The following ZNF695 variants were observed in gnomAD, a reference collection of about 807,000 sequenced individuals.
ZNF695 encodes zinc finger protein 695.
In ZNF695, 11 loss-of-function variants were observed where a neutral mutation model predicts 11.2. The observed-to-expected ratio is 0.98, with a 90% CI of 0.62 to 1.62. The LOEUF (loss-of-function observed/expected upper bound fraction) is 1.62. ZNF695 is among the 40% of genes most tolerant of loss of function. The probability of loss-of-function intolerance (pLI) is 0.00; values close to 1 mark genes in which losing one functional copy is unlikely to be tolerated. For synonymous variants in ZNF695, 190 were observed against 201.4 expected (o/e 0.94, Z 0.48); for missense variants, 559 against 590.5 (o/e 0.95, Z 0.55).
chr1:246,967,750 T>G (rs1668324979), exon 5 of ZNF695: 1 of 399,584 alleles, frequency 2.5e-6, no homozygotes, highest in Non-Finnish European at 4.9e-6. Context: ...AAACTTAGAA[T>G]CATGGCAGAA....
At chr1:246,973,081 C>T (rs1668470694) in intron 4 of ZNF695, among the ~76,000 whole-genome samples, 1 of 151,490 alleles carries the variant, frequency 6.6e-6, no homozygotes, top group Non-Finnish European at 1.5e-5. Flanking sequence ...CGGAGTTTCA[C>T]TCTTGTTGCC....
Position 247,007,925 on chromosome 1 carries a change from GTCCCAGCGT to G in ZNF695, c.-26_-18del. The G allele has an allele frequency of 1.3e-6, 2 of 1,523,430 alleles. No homozygotes were observed. Among genetic ancestry groups the G allele is most frequent in the Non-Finnish European group, 1.8e-6 (2 of 1,127,936 alleles). 94.4% of individuals were successfully genotyped at this position (1,523,430 alleles called of 1,614,324 possible). A position where few individuals can be genotyped will look rare whatever the true frequency, so the allele number is the denominator to read the frequency against. ...ACTCACCATTTCCCAGCTTTTGGGG[GTCCCAGCGT>G]CCTCCCTATAAATCTCGCAATACCT... On this transcript the variant is annotated 5_prime_UTR_variant, in exon 1 of 4. Transcript: ENST00000339986.
intron 4 of ZNF695, among the ~76,000 whole-genome samples, chr1:246,977,450 G>A (rs1260566111): frequency 6.6e-6 from 1 of 152,134 alleles, no homozygotes; most frequent in South Asian, 2.1e-4. Flanking sequence ...TAGAGGCGGG[G>A]TTTTGCCATG....
At chr1:246,998,095 T>C (rs1358582022) in intron 3 of ZNF695, among the ~76,000 whole-genome samples, 1 of 152,214 alleles carries the variant, frequency 6.6e-6, no homozygotes, top group Non-Finnish European at 1.5e-5. Flanking sequence ...CTTAACTGTA[T>C]AATCATTTCA....
chr1:246,981,179 G>GT (rs1668701572), downstream of ZNF695, among the ~76,000 whole-genome samples: 2 of 152,200 alleles, frequency 1.3e-5, no homozygotes, highest in Admixed American at 1.3e-4. Flanking sequence ...CTGCTATGAG[G>GT]TATCACCTCA....
At chr1:246,973,912 T>C (rs1426742341) in intron 4 of ZNF695, among the ~76,000 whole-genome samples, 8 of 152,180 alleles carry the variant, frequency 5.3e-5, no homozygotes, top group African/African-American at 1.9e-4. Flanking sequence ...CCCTATTATG[T>C]GTGAATGTCA....
intron 4 of ZNF695, chr1:246,967,823 T>C: frequency 3.2e-6 from 1 of 311,560 alleles, no homozygotes; most frequent in Non-Finnish European, 6.5e-6. Context: ...AAGGGGGAAA[T>C]GCTATACACT....
At chr1:246,980,574 A>C (rs1668682399), downstream of ZNF695, among the ~76,000 whole-genome samples, 1 of 151,894 alleles carries the variant, frequency 6.6e-6, no homozygotes, top group African/African-American at 2.4e-5. Context: ...GCACCACCAC[A>C]CACTGCTGAT....
At chr1:246,965,643 A>G (rs1239119673) in intron 5 of ZNF695, among the ~76,000 whole-genome samples, 2 of 152,104 alleles carry the variant, frequency 1.3e-5, no homozygotes, top group Non-Finnish European at 2.9e-5. Flanking sequence ...AGGCTGATGC[A>G]GGAGAATCGC....
intron 5 of ZNF695, among the ~76,000 whole-genome samples, chr1:246,961,958 C>T (rs1201134575): frequency 6.6e-6 from 1 of 152,216 alleles, no homozygotes; most frequent in African/African-American, 2.4e-5. Flanking sequence ...GCTTTGCAGA[C>T]ATATGAGTTG....
chr1:246,985,438 G>T lies in ZNF695; in HGVS notation c.*1529C>A. On this transcript the variant is annotated 3_prime_UTR_variant, in exon 4 of 4. Transcript: ENST00000339986. ...GGGAACAATATTTTTCAAATTATTT[G>T]AAGTTTAATGCCACTGGGAGAAGGG... is the stretch of plus-strand genomic sequence containing the variant. 1 of 985,330 alleles carries T rather than the reference G, an allele frequency of 1.0e-6. No individual in the cohort carries two copies. Among genetic ancestry groups the T allele is most frequent in the Non-Finnish European group, 1.2e-6 (1 of 829,890 alleles). The allele number at this position is 985,330 out of a possible 1,614,324, so 61.0% of individuals were successfully genotyped here. A position where few individuals can be genotyped will look rare whatever the true frequency, so the allele number is the denominator to read the frequency against.
intron 4 of ZNF695, chr1:246,968,326 T>C (rs537949420): frequency 1.3e-5 from 2 of 152,162 alleles, no homozygotes; most frequent in Non-Finnish European, 2.9e-5. Context: ...CAAAATAATA[T>C]CCTTTGATTC....
At chr1:246,980,417 CTTTT>C (rs34908832), downstream of ZNF695, among the ~76,000 whole-genome samples, 1 of 127,390 alleles carries the variant, frequency 7.8e-6, no homozygotes. Flanking sequence ...CCCCCTGCCA[CTTTT>C]TTTTTTTTTT....
rs552407860 is a variant in ZNF695, at chr1:246,976,600, C to T, written c.391-8808G>A. Among the ~76,000 whole-genome samples the T allele has an allele frequency of 2.6e-5, 4 of 151,778 alleles. No homozygotes were observed. The East Asian group carries it at 5.8e-4, about 22-fold the overall frequency. On this transcript the variant is annotated intron_variant, in intron 4 of 5. Coordinates refer to the ZNF695 transcript ENST00000487338. ...ACGAGGTGAGGAGATCGAGACCATC[C>T]TGGCTAACACGGTGAAACCCCGTCT... is the stretch of plus-strand genomic sequence containing the variant.
At chr1:246,961,962 T>C (rs1032394860) in intron 5 of ZNF695, among the ~76,000 whole-genome samples, 1 of 152,200 alleles carries the variant, frequency 6.6e-6, no homozygotes, top group African/African-American at 2.4e-5. Flanking sequence ...TGCAGACATA[T>C]GAGTTGTCAT....
chr1:246,993,602 T>C (rs753701686), intron 3 of ZNF695, among the ~76,000 whole-genome samples: 3 of 152,114 alleles, frequency 2.0e-5, no homozygotes, highest in Admixed American at 1.3e-4. Flanking sequence ...GATTACAATG[T>C]ATACAAAGTA....
At chr1:246,990,472 A>C (rs1040227786) in intron 3 of ZNF695, among the ~76,000 whole-genome samples, 3 of 152,198 alleles carry the variant, frequency 2.0e-5, no homozygotes, top group Admixed American at 6.5e-5. Flanking sequence ...TATATAAGGC[A>C]AATATTATTA....
At chr1:246,999,515 G>A in intron 2 of ZNF695, 75 bp from the exon 3 acceptor site, 3 of 1,170,960 alleles carry the variant, frequency 2.6e-6, no homozygotes, top group South Asian at 2.6e-5. Flanking sequence ...CAGTAGAGAA[G>A]AGAAAACATC....
At chr1:246,993,660 A>G (rs547132764) in intron 3 of ZNF695, among the ~76,000 whole-genome samples, 49 of 152,220 alleles carry the variant, frequency 3.2e-4, no homozygotes, top group Non-Finnish European at 4.3e-4. Flanking sequence ...TCCAGATAGC[A>G]ACCCTAAAGA....
Sources: allele counts gnomAD v4.1 joint callset (sites outside exome capture counted in the v4.1 genomes callset), GRCh38; gene constraint gnomAD v4.1.1; transcripts MANE v1.5; gene names NCBI Gene and HGNC (gene_info 2026-07-23, HGNC 2026-07-21).